Variants in SH3BP4 observed in about 807,000 individuals in gnomAD.
SH3BP4 encodes SH3 domain-binding protein 4.
In SH3BP4, 33 loss-of-function variants were observed where a neutral mutation model predicts 65.5. The ratio of observed to expected loss-of-function variants is 0.50; its 90% CI spans 0.38 to 0.67. SH3BP4 has a LOEUF of 0.67. Ranked by LOEUF, SH3BP4 falls within the 30% of genes least tolerant of loss-of-function variation. SH3BP4 has a pLI of 0.00. For missense variants in SH3BP4, 1,134 were observed against 1,261.4 expected, an observed-to-expected ratio of 0.90 and a Z score of 1.53; for synonymous variants, 552 against 545.5, an observed-to-expected ratio of 1.01 and a Z score of -0.17.
At chr2:234,988,736 G>A (rs1486050346) in intron 1 of SH3BP4, among the ~76,000 whole-genome samples, 1 of 152,184 alleles carries the variant, frequency 6.6e-6, no homozygotes, top group Non-Finnish European at 1.5e-5. Flanking sequence ...CGCATGAACA[G>A]GTGAACAAAG....
chr2:235,024,555 G>C (rs1439584720), intron 2 of SH3BP4, among the ~76,000 whole-genome samples: 2 of 152,064 alleles, frequency 1.3e-5, no homozygotes, highest in East Asian at 3.9e-4. Context: ...TTAAACCCTA[G>C]AAGCCGCCTC....
intron 2 of SH3BP4, among the ~76,000 whole-genome samples, chr2:235,021,523 G>T (rs79488859): frequency 0.19 from 28,591 of 151,562 alleles, 3,085 homozygotes; most frequent in East Asian, 0.41. Flanking sequence ...GGAGGCTGAG[G>T]CAGGAGAATC....
intron 2 of SH3BP4, among the ~76,000 whole-genome samples, chr2:235,022,856 T>C (rs1694886052): frequency 6.6e-6 from 1 of 152,126 alleles, no homozygotes; most frequent in African/African-American, 2.4e-5. Context: ...AATGTGGCAG[T>C]CTTGCTGGGA....
chr2:235,049,489 G>C (rs2106342751), intron 4 of SH3BP4, among the ~76,000 whole-genome samples: 1 of 152,268 alleles, frequency 6.6e-6, no homozygotes, highest in Admixed American at 6.5e-5. Context: ...CCCTGTGGTG[G>C]TCCAGCACAC....
intron 1 of SH3BP4, among the ~76,000 whole-genome samples, chr2:234,968,377 C>CTTTT (rs551034590): frequency 1.9e-5 from 2 of 105,770 alleles, no homozygotes; most frequent in African/African-American, 3.5e-5. Context: ...CAGAGTTGTT[C>CTTTT]TTTTTTTTTT....
chr2:234,977,043 G>A lies in SH3BP4; in HGVS notation c.-206-18260G>A, dbSNP rs970942646. Among the ~76,000 whole-genome samples, 3 of 152,254 alleles carry A rather than the reference G, an allele frequency of 2.0e-5. No homozygotes were observed. Among genetic ancestry groups the A allele is most frequent in the African/African-American group, 4.8e-5 (2 of 41,468 alleles). The stretch of plus-strand genomic sequence containing the variant: ...CCTGTAAGACACTCACAGGGAAGCC[G>A]GGTGGCGGGAGGCCTGTGGGAATTC... On this transcript the variant is annotated intron_variant, in intron 1 of 5. Coordinates refer to ENST00000392011, the MANE Select transcript of SH3BP4 (RefSeq NM_014521.3). This position sits in a 1 kb window ranked among gnomAD's most constrained non-coding sequence, Gnocchi z 5.1.
In SH3BP4 at chr2:235,030,382, C is replaced by T. The variant is rs540494520; in HGVS notation, c.-132-4489C>T. Reference sequence around the variant, plus strand: ...GTTGCTTTAGTGATCTCTCCAAGCCCGTTTTCATGGAATCTGTAAAGTGCA... The same window carrying T: ...GTTGCTTTAGTGATCTCTCCAAGCCTGTTTTCATGGAATCTGTAAAGTGCA... On this transcript the variant is annotated intron_variant, in intron 2 of 5. Transcript: ENST00000392011. This position sits in a 1 kb window ranked among gnomAD's most constrained non-coding sequence, Gnocchi z 4.1. 6.6e-6 allele frequency among the ~76,000 whole-genome samples: 1 copy of T among 152,268 alleles called. No homozygotes were observed. The highest frequency in any genetic ancestry group is 2.4e-5 in the African/African-American group (1 of 41,552).
Position 235,052,861 on chromosome 2 carries a change from C to A in SH3BP4, c.2667+111C>A. ...GCCTCGCGGCATTTCTGTGAGGGTG[C>A]AACAGGTGGAAATGTGCACGCATGT... On this transcript the variant is annotated intron_variant, in intron 5 of 5. Transcript: ENST00000392011. The surrounding 1 kb of genome is among the most constrained non-coding windows in gnomAD (Gnocchi z 5.0). 9.4e-7 allele frequency: 1 copy of A among 1,068,848 alleles called. No individual in the cohort carries two copies. Among genetic ancestry groups the A allele is most frequent in the Non-Finnish European group, 1.3e-6 (1 of 754,024 alleles). The allele number at this position is 1,068,848 out of a possible 1,614,324, so 66.2% of individuals were successfully genotyped here.
rs1171264321 is a variant in SH3BP4 at position 234,952,281 on chromosome 2, G to GCGGGCGCAGATCGTGCCT, written c.-207+118_-207+119insAGATCGTGCCTCGGGCGC. Reference sequence around the variant, plus strand: ...CTCCCTTGCGGGCGCAGATCGTGCCGCGGGCGCCGATCGTGCCACCGCCGC... The same window carrying GCGGGCGCAGATCGTGCCT: ...CTCCCTTGCGGGCGCAGATCGTGCCGCGGGCGCAGATCGTGCCTCGGGCGCCGATCGTGCCACCGCCGC... On this transcript the variant is annotated intron_variant, in intron 1 of 5. Coordinates refer to ENST00000392011, the MANE Select transcript of SH3BP4 (RefSeq NM_014521.3). This position sits in a 1 kb window ranked among gnomAD's most constrained non-coding sequence, Gnocchi z 6.5. The GCGGGCGCAGATCGTGCCT allele has an allele frequency of 2.0e-5, 3 of 150,514 alleles. No individual in the cohort carries two copies. Among genetic ancestry groups the GCGGGCGCAGATCGTGCCT allele is most frequent in the Non-Finnish European group, 4.5e-5 (3 of 67,364 alleles). 9.3% of individuals were successfully genotyped at this position (150,514 alleles called of 1,614,324 possible). A position where few individuals can be genotyped will look rare whatever the true frequency, so the allele number is the denominator to read the frequency against.
In SH3BP4 at chr2:235,033,104, C is replaced by G. The variant is rs1695258067; in HGVS notation, c.-132-1767C>G. ...AAGGGAAGGGCCCCCAGCAGGGCAG[C>G]TCTGCCGCTCCCCAGAGAGGTGGCC... On this transcript the variant is annotated intron_variant, in intron 2 of 5. Coordinates refer to ENST00000392011, the MANE Select transcript of SH3BP4 (RefSeq NM_014521.3). This position sits in a 1 kb window ranked among gnomAD's most constrained non-coding sequence, Gnocchi z 5.7. Among the ~76,000 whole-genome samples, 1 of 152,168 alleles carries G rather than the reference C, an allele frequency of 6.6e-6. No homozygotes were observed. The highest frequency in any genetic ancestry group is 2.1e-4 in the South Asian group (1 of 4,830).
At chr2:234,971,857 G>A (rs555094630) in intron 1 of SH3BP4, among the ~76,000 whole-genome samples, 3 of 151,278 alleles carry the variant, frequency 2.0e-5, no homozygotes, top group South Asian at 2.1e-4. Flanking sequence ...TTGCTCTGTC[G>A]CTAGGCTGGA....
intron 4 of SH3BP4, among the ~76,000 whole-genome samples, chr2:235,047,744 T>G (rs1403596819): frequency 6.6e-6 from 1 of 152,146 alleles, no homozygotes; most frequent in Non-Finnish European, 1.5e-5. Flanking sequence ...CAACTGGTCC[T>G]GGATCCACCA....
chr2:235,048,853 T>G (rs139901958), intron 4 of SH3BP4, among the ~76,000 whole-genome samples: 1 of 152,348 alleles, frequency 6.6e-6, no homozygotes, highest in East Asian at 1.9e-4. Flanking sequence ...TGTAACAAAA[T>G]TCCAGTTGAA....
intron 1 of SH3BP4, chr2:234,981,627 A>G (rs1216250491): frequency 6.6e-6 from 1 of 152,220 alleles, no homozygotes; most frequent in Admixed American, 6.5e-5. Context: ...ATTCAGTCGC[A>G]GTTGGCTGGT....
rs1355517069 is a variant in SH3BP4, at chr2:235,042,898, G to C, written c.2129G>C (p.Arg710Thr). 1 of 1,613,352 alleles carries C rather than the reference G, an allele frequency of 6.2e-7. No homozygotes were observed. The highest frequency in any genetic ancestry group is 8.5e-7 in the Non-Finnish European group (1 of 1,179,960). Residue 710 changes from arginine to threonine, a missense_variant, in exon 4 of 6, where the codon AGG becomes ACG. By Grantham distance (71) the Arg-to-Thr change is moderately conservative (BLOSUM62 -1). Coordinates refer to ENST00000392011, the MANE Select transcript of SH3BP4 (RefSeq NM_014521.3). This position sits in a 1 kb window ranked among gnomAD's most constrained non-coding sequence, Gnocchi z 7.3. ...KEWYIGYYQGRVGLVHTKNVL... is the reference protein window; with the variant it reads ...KEWYIGYYQGTVGLVHTKNVL... Reference sequence around the variant, plus strand: ...TGGTACATCGGCTACTACCAGGGCAGGGTGGGCCTCGTGCACACCAAGAAC... The same window carrying C: ...TGGTACATCGGCTACTACCAGGGCACGGTGGGCCTCGTGCACACCAAGAAC...
chr2:235,017,213 G>C (rs1694716088), intron 2 of SH3BP4, among the ~76,000 whole-genome samples: 1 of 151,810 alleles, frequency 6.6e-6, no homozygotes. Context: ...ACTTTAGGAG[G>C]CCAAGGTGGG....
chr2:235,036,740 A>AAAAAAAAAAATAATAATAAT (rs146049108), intron 3 of SH3BP4, among the ~76,000 whole-genome samples: 11 of 141,740 alleles, frequency 7.8e-5, no homozygotes, highest in African/African-American at 3.0e-4. Context: ...TCTATATAAA[A>AAAAAAAAAAATAATAATAAT]AATAATAATA....
At chr2:234,969,911 ACT>A (rs772148060) in intron 1 of SH3BP4, among the ~76,000 whole-genome samples, 133 of 150,850 alleles carry the variant, frequency 8.8e-4, no homozygotes, top group African/African-American at 1.5e-3. Flanking sequence ...ACTTACACAC[ACT>A]CTGTCACACA....
chr2:235,038,394 T>TAATATATA (rs1559254822), intron 3 of SH3BP4, among the ~76,000 whole-genome samples: 1 of 55,710 alleles, frequency 1.8e-5, no homozygotes, highest in African/African-American at 9.5e-5. Flanking sequence ...TATATATATA[T>TAATATATA]ATATATATAT....
Sources: gnomAD v4.1 joint callset for allele counts (sites outside exome capture counted in the v4.1 genomes callset) on GRCh38, gnomAD v4.1.1 for gene constraint, Gnocchi (gnomAD v3.1) non-coding constraint, MANE v1.5 for transcripts, NCBI Gene and HGNC (gene_info 2026-07-23, HGNC 2026-07-21) for gene names.